RGSL1: variants seen among roughly 807,000 people sequenced by gnomAD.
RGSL1 encodes regulator of G protein signaling protein-like.
In RGSL1, 97 loss-of-function variants were observed where a neutral mutation model predicts 124.7. That is an observed-to-expected ratio of 0.78 (90% CI 0.66 to 0.92). The LOEUF (loss-of-function observed/expected upper bound fraction) is 0.92, where lower values mean the gene tolerates loss of function less well. RGSL1 is among the 40% of genes least tolerant of loss of function. RGSL1 has a pLI of 0.00. For synonymous variants in RGSL1, 424 were observed against 438.1 expected (o/e 0.97, Z 0.40); for missense variants, 1,233 against 1,288.4 (o/e 0.96, Z 0.66).
chr1:182,557,988 G>T (rs915942454), intron 21 of RGSL1, among the ~76,000 whole-genome samples: 1 of 152,062 alleles, frequency 6.6e-6, no homozygotes, highest in Non-Finnish European at 1.5e-5. Flanking sequence ...TGTCCCAAAG[G>T]GGTCAGAGAC....
intron 1 of RGSL1, 82 bp downstream of exon 1, chr1:182,450,260 T>G: frequency 6.7e-7 from 1 of 1,494,970 alleles, no homozygotes; most frequent in Admixed American, 2.0e-5. Flanking sequence ...TGTTAATAGA[T>G]CTGAGCCATT....
intron 9 of RGSL1, among the ~76,000 whole-genome samples, chr1:182,498,339 TC>T (rs994804256): frequency 2.1e-4 from 10 of 47,800 alleles, no homozygotes; most frequent in Non-Finnish European, 5.9e-4. Flanking sequence ...TCTTCTACTT[TC>T]CCTGTCTAGC....
chr1:182,449,819 C>A (rs1453570026), upstream of RGSL1, among the ~76,000 whole-genome samples: 1 of 151,988 alleles, frequency 6.6e-6, no homozygotes, highest in Non-Finnish European at 1.5e-5. Context: ...TTTACAAGAC[C>A]CTTAGGAGCT....
chr1:182,481,101 T>A (rs1654671747), intron 6 of RGSL1, among the ~76,000 whole-genome samples: 1 of 151,880 alleles, frequency 6.6e-6, no homozygotes, highest in South Asian at 2.1e-4. Context: ...AGGATGAAGA[T>A]TAGAGAAGAA....
intron 6 of RGSL1, among the ~76,000 whole-genome samples, chr1:182,477,703 G>A (rs1484087701): frequency 6.6e-6 from 1 of 152,136 alleles, no homozygotes; most frequent in Non-Finnish European, 1.5e-5. Flanking sequence ...GCCCACAGGT[G>A]CAGCTCCAGC....
intron 14 of RGSL1, 77 bp downstream of exon 14, chr1:182,532,868 T>C: frequency 1.4e-6 from 2 of 1,450,932 alleles, no homozygotes; most frequent in Admixed American, 2.1e-5. Context: ...AGAAGCTTAT[T>C]GCTTTGTGTC....
At chr1:182,533,326 A>G (rs1316991011) in intron 14 of RGSL1, among the ~76,000 whole-genome samples, 2 of 128,816 alleles carry the variant, frequency 1.6e-5, no homozygotes, top group Non-Finnish European at 3.3e-5. Context: ...TCAACAATGT[A>G]TCTTGGACAT....
Position 182,489,118 on chromosome 1 carries a change from A to G in RGSL1, c.1633A>G (p.Arg545Gly). 1.9e-6 allele frequency: 3 copies of G among 1,551,724 alleles called. No individual in the cohort carries two copies. Among genetic ancestry groups the G allele is most frequent in the Non-Finnish European group, 2.6e-6 (3 of 1,147,006 alleles). ...ALADMKEMDYRQWRKIATEDL... is the reference protein window; with the variant it reads ...ALADMKEMDYGQWRKIATEDL... ...GGCTGACATGAAGGAAATGGACTAT[A>G]GGCAGTGGCGAAAGATAGCTACTGA... The change falls in exon 8 of 22, where the codon AGG (arginine) becomes GGG (glycine). Residue 545 changes from arginine to glycine, a missense_variant. Physicochemically the swap from Arg to Gly is moderately radical, Grantham distance 125 (BLOSUM62 -2). Transcript: ENST00000294854.
chr1:182,483,663 G>A (rs1355453424), intron 6 of RGSL1, among the ~76,000 whole-genome samples: 8 of 151,302 alleles, frequency 5.3e-5, no homozygotes, highest in African/African-American at 1.5e-4. Context: ...TTCATTTTAC[G>A]TTCAGGGGTA....
At chr1:182,506,928 A>C (rs181545439) in intron 9 of RGSL1, among the ~76,000 whole-genome samples, 1 of 151,770 alleles carries the variant, frequency 6.6e-6, no homozygotes, top group Admixed American at 6.6e-5. Flanking sequence ...AGCTAGCTTG[A>C]AATATACAAT....
intron 14 of RGSL1, among the ~76,000 whole-genome samples, chr1:182,534,770 T>C (rs1395262167): frequency 1.3e-5 from 2 of 151,546 alleles, no homozygotes; most frequent in African/African-American, 4.9e-5. Flanking sequence ...GAGGTTGCAG[T>C]GATCCGAGAT....
chr1:182,526,087 A>T (rs1010984660), intron 10 of RGSL1, among the ~76,000 whole-genome samples: 3 of 152,244 alleles, frequency 2.0e-5, no homozygotes, highest in Non-Finnish European at 4.4e-5. Context: ...AAATTGAATT[A>T]GTAATTAAAA....
rs1301808951 is a variant in RGSL1 at position 182,530,835 on chromosome 1, G to A, written c.2289G>A (p.Val763=). Reference sequence around the variant, plus strand: ...TGTTCCCACCTCACCATCAGGAGGTGGAAGTGCAAAGTGAAGTACAAATTT... The same window carrying A: ...TGTTCCCACCTCACCATCAGGAGGTAGAAGTGCAAAGTGAAGTACAAATTT... ...QDLFPPHHQE[V]EVQSEVQISS... Residue 763 remains valine, a synonymous_variant, in exon 13 of 22, where the codon GTG becomes GTA. Coordinates refer to ENST00000294854, the MANE Select transcript of RGSL1 (RefSeq NM_001137669.2). The A allele has an allele frequency of 1.3e-6, 2 of 1,550,200 alleles. No homozygotes were observed. Among genetic ancestry groups the A allele is most frequent in the Non-Finnish European group, 1.7e-6 (2 of 1,146,170 alleles).
intron 4 of RGSL1, among the ~76,000 whole-genome samples, chr1:182,465,548 A>T (rs1425280482): frequency 6.6e-6 from 1 of 152,050 alleles, no homozygotes; most frequent in Non-Finnish European, 1.5e-5. Flanking sequence ...CCAACATGGC[A>T]CATGTATACA....
In RGSL1 at chr1:182,474,943, C is replaced by T. The variant is rs1654169833; in HGVS notation, c.1431+401C>T. 2.0e-5 allele frequency among the ~76,000 whole-genome samples: 3 copies of T among 152,220 alleles called. No individual in the cohort carries two copies. In the South Asian group the frequency reaches 6.2e-4, roughly 32 times the overall value. On this transcript the variant is annotated intron_variant, in intron 6 of 21. Transcript: ENST00000294854. Reference sequence around the variant, plus strand: ...TGGAACAGTTTCATTCTGAAATCATCCCCCCAGCCCCAAGTTCATGGAAAA... The same window carrying T: ...TGGAACAGTTTCATTCTGAAATCATTCCCCCAGCCCCAAGTTCATGGAAAA...
At chr1:182,532,090 G>A (rs931372676) in intron 13 of RGSL1, among the ~76,000 whole-genome samples, 12 of 152,060 alleles carry the variant, frequency 7.9e-5, no homozygotes, top group African/African-American at 2.9e-4. Flanking sequence ...AGTCTTTCTG[G>A]CTCTAAGTAT....
intron 19 of RGSL1, among the ~76,000 whole-genome samples, chr1:182,553,750 C>G (rs1660703564): frequency 6.6e-6 from 1 of 152,184 alleles, no homozygotes; most frequent in Admixed American, 6.5e-5. Flanking sequence ...GTGAGCAACT[C>G]TCATCTAAAT....
intron 4 of RGSL1, among the ~76,000 whole-genome samples, chr1:182,463,598 TA>T (rs1204415054): frequency 2.6e-5 from 4 of 152,262 alleles, no homozygotes; most frequent in East Asian, 1.9e-4. Context: ...CTTTAAGTTT[TA>T]AAAAAAGTTT....
At chr1:182,516,807 G>A (rs796780453) in intron 9 of RGSL1, among the ~76,000 whole-genome samples, 7 of 152,198 alleles carry the variant, frequency 4.6e-5, no homozygotes, top group African/African-American at 1.7e-4. Context: ...TGTTTTAACA[G>A]TTTCTGTAGC....
Sources: allele counts gnomAD v4.1 joint callset (sites outside exome capture counted in the v4.1 genomes callset), GRCh38; gene constraint gnomAD v4.1.1; transcripts MANE v1.5; gene names NCBI Gene and HGNC (gene_info 2026-07-23, HGNC 2026-07-21).